Variants in ARID1A observed in about 807,000 individuals in gnomAD.
ARID1A encodes AT-rich interaction domain 1A.
ARID1A carries 20 observed loss-of-function variants against 212.6 expected under a neutral mutation model. That is an observed-to-expected ratio of 0.09 (90% confidence interval 0.07 to 0.14). The LOEUF (loss-of-function observed/expected upper bound fraction) is 0.14. Among genes scored for constraint, ARID1A ranks in the 10% least tolerant of loss-of-function variants. ARID1A has a pLI of 1.00. For missense variants in ARID1A, 2,587 were observed against 3,059.0 expected (o/e 0.85, Z 3.64); for synonymous variants, 1,376 against 1,222.1 (o/e 1.13, Z -2.63).
rs1480200785 is a variant in ARID1A at position 26,774,646 on chromosome 1, G to A, written c.4419G>A (p.Gln1473=). The A allele has an allele frequency of 6.2e-7, 1 of 1,614,056 alleles. No individual in the cohort carries two copies. The highest frequency in any genetic ancestry group is 1.7e-5 in the Admixed American group (1 of 60,002). ...CTGCACCCCCTGGCACCAATGCCCA[G>A]CAAAACATGCCACCACAAATGATGG... The part of the protein sequence containing the change: ...RVSAPPGTNA[Q]QNMPPQMMGG... The change falls in exon 18 of 20, where the codon CAG becomes CAA. Residue 1473 remains glutamine (Q), a synonymous_variant. Coordinates refer to ENST00000324856, the MANE Select transcript of ARID1A (RefSeq NM_006015.6). This position sits in a 1 kb window ranked among gnomAD's most constrained non-coding sequence, Gnocchi z 5.6.
chr1:26,696,983 C>T lies in ARID1A; in HGVS notation c.580C>T (p.Pro194Ser), dbSNP rs758730704. The change falls in exon 1 of 20, where the codon CCC (proline) becomes TCC (serine). Residue 194 changes from proline (P) to serine (S), a missense_variant. Pro to Ser is a moderately conservative substitution (Grantham distance 74). Around this residue, in one of 11 missense-constraint regions of ARID1A, gnomAD observed 735 missense variants for 590.6 expected, o/e 1.24. Coordinates refer to ENST00000324856, the MANE Select transcript of ARID1A (RefSeq NM_006015.6). ...GAGCGGCGGCGGCGGGGGCCTGGAG[C>T]CCTACGCGGGGCCCCAGCAGAACTC... Reference protein sequence around the residue: ...LQSGGGGGLEPYAGPQQNSHD... With the variant: ...LQSGGGGGLESYAGPQQNSHD... The T allele has an allele frequency of 1.5e-5, 22 of 1,504,974 alleles. No homozygotes were observed. In the East Asian group the frequency reaches 3.3e-4, roughly 23 times the overall value. 93.2% of individuals were successfully genotyped at this position (1,504,974 alleles called of 1,614,324 possible).
Position 26,779,450 on chromosome 1 carries a change from C to A in ARID1A, c.5552C>A (p.Thr1851Asn), listed in dbSNP as rs758808153. ...CACTGGCGGATTGGTGGGGGGGACA[C>A]CACTGAGCATATCCAGACCCACTTC... Reference protein sequence around the residue: ...LLHWRIGGGDTTEHIQTHFES... With the variant: ...LLHWRIGGGDNTEHIQTHFES... The change falls in exon 20 of 20, where the codon ACC becomes AAC. Residue 1851 changes from threonine to asparagine, a missense_variant. Physicochemically the swap from Thr to Asn is moderately conservative, Grantham distance 65. Around this residue, in one of 11 missense-constraint regions of ARID1A, gnomAD observed 890 missense variants for 1,098.2 expected, o/e 0.81. Coordinates refer to ENST00000324856, the MANE Select transcript of ARID1A (RefSeq NM_006015.6). The A allele has an allele frequency of 6.2e-7, 1 of 1,614,084 alleles. No homozygotes were observed. The highest frequency in any genetic ancestry group is 8.5e-7 in the Non-Finnish European group (1 of 1,180,024).
chr1:26,751,053 G>A (rs1048262958), intron 4 of ARID1A, among the ~76,000 whole-genome samples: 4 of 151,960 alleles, frequency 2.6e-5, no homozygotes, highest in Non-Finnish European at 5.9e-5. Flanking sequence ...TCAGGAGTTC[G>A]AGACCAACCT....
intron 1 of ARID1A, among the ~76,000 whole-genome samples, chr1:26,700,257 T>C (rs2080319597): frequency 6.6e-6 from 1 of 152,236 alleles, no homozygotes; most frequent in Non-Finnish European, 1.5e-5. Context: ...CATTCTTAAA[T>C]TAAAAAGTCT....
At chr1:26,723,909 A>T (rs1047922862) in intron 1 of ARID1A, among the ~76,000 whole-genome samples, 5 of 152,030 alleles carry the variant, frequency 3.3e-5, no homozygotes, top group African/African-American at 1.2e-4. Flanking sequence ...CCCAGTTCAA[A>T]CAGGAGTACA....
At chr1:26,724,142 C>T (rs2080594205) in intron 1 of ARID1A, among the ~76,000 whole-genome samples, 1 of 152,064 alleles carries the variant, frequency 6.6e-6, no homozygotes, top group South Asian at 2.1e-4. Flanking sequence ...ATTGAAAGCA[C>T]AAGGAGTAAT....
chr1:26,712,232 T>C (rs182447565), intron 1 of ARID1A, among the ~76,000 whole-genome samples: 31 of 152,354 alleles, frequency 2.0e-4, no homozygotes, highest in Non-Finnish European at 1.0e-4. Flanking sequence ...TTGCCTGTGA[T>C]GGCTGTCTGA....
intron 4 of ARID1A, among the ~76,000 whole-genome samples, chr1:26,750,591 G>T (rs915508939): frequency 1.3e-5 from 2 of 152,050 alleles, no homozygotes; most frequent in African/African-American, 4.8e-5. Context: ...AAAGTGTGAG[G>T]GTTTGAAGTG....
At chr1:26,740,368 A>C (rs1423221833) in intron 4 of ARID1A, among the ~76,000 whole-genome samples, 1 of 152,248 alleles carries the variant, frequency 6.6e-6, no homozygotes, top group Non-Finnish European at 1.5e-5. Context: ...GAGTGCTGTC[A>C]GAGTTTGGTG....
intron 1 of ARID1A, among the ~76,000 whole-genome samples, chr1:26,724,201 G>C (rs543277541): frequency 6.6e-6 from 1 of 152,086 alleles, no homozygotes; most frequent in Non-Finnish European, 1.5e-5. Context: ...GTTTACACTA[G>C]CCCCAACTAG....
chr1:26,754,437 T>C (rs1192600483), intron 4 of ARID1A, among the ~76,000 whole-genome samples: 1 of 152,192 alleles, frequency 6.6e-6, no homozygotes, highest in Non-Finnish European at 1.5e-5. Context: ...TGGTATGTTG[T>C]TATATCTCTC....
chr1:26,781,141 C>T lies in ARID1A; in HGVS notation c.*385C>T. ...CTTGCATCAACGGGATGCCACATTT[C>T]ATAACTGTTTTTAATGGTAAAAAAA... On this transcript the variant is annotated 3_prime_UTR_variant, in exon 20 of 20. Coordinates refer to ENST00000324856, the MANE Select transcript of ARID1A (RefSeq NM_006015.6). 1 of 231,284 alleles carries T rather than the reference C, an allele frequency of 4.3e-6. No individual in the cohort carries two copies. The highest frequency in any genetic ancestry group is 8.3e-6 in the Non-Finnish European group (1 of 120,608). 14.3% of individuals were successfully genotyped at this position (231,284 alleles called of 1,614,324 possible). A position where few individuals can be genotyped will look rare whatever the true frequency, so the allele number is the denominator to read the frequency against.
chr1:26,731,732 TAA>T, intron 3 of ARID1A, 128 bp downstream of exon 3: 1 of 998,348 alleles, frequency 1.0e-6, no homozygotes, highest in Non-Finnish European at 1.5e-6. Context: ...AAACTCTGGG[TAA>T]ACATGATAAC....
chr1:26,743,208 T>C (rs536690815), intron 4 of ARID1A, among the ~76,000 whole-genome samples: 2 of 152,240 alleles, frequency 1.3e-5, no homozygotes, highest in Admixed American at 6.5e-5. Context: ...TACCTTAAGC[T>C]CCTCACAATT....
In ARID1A at chr1:26,774,528, C is replaced by A. The variant is rs1323482644; in HGVS notation, c.4301C>A (p.Ala1434Asp). ...GATGTATACAACCAGTATGGCAATG[C>A]CTATCCTGCCACTGCCACAGCTGCT... ...QQDVYNQYGN[A>D]YPATATAATE... The change falls in exon 18 of 20, where the codon GCC becomes GAC. Residue 1434 changes from alanine (A) to aspartate (D), a missense_variant. Coordinates refer to ENST00000324856, the MANE Select transcript of ARID1A (RefSeq NM_006015.6). The surrounding 1 kb of genome is among the most constrained non-coding windows in gnomAD (Gnocchi z 5.6). 1 of 1,614,068 alleles carries A rather than the reference C, an allele frequency of 6.2e-7. No individual in the cohort carries two copies. Among genetic ancestry groups the A allele is most frequent in the Non-Finnish European group, 8.5e-7 (1 of 1,179,974 alleles).
intron 4 of ARID1A, among the ~76,000 whole-genome samples, chr1:26,756,070 G>A (rs1240192500): frequency 1.3e-5 from 2 of 151,636 alleles, no homozygotes; most frequent in African/African-American, 2.4e-5. Context: ...TTTGTTTCTT[G>A]TTGTTTGTTT....
chr1:26,747,316 C>T (rs1190052141), intron 4 of ARID1A, among the ~76,000 whole-genome samples: 3 of 152,186 alleles, frequency 2.0e-5, no homozygotes, highest in Non-Finnish European at 4.4e-5. Flanking sequence ...GAGCTTACCT[C>T]CAAGCTGCTA....
At chr1:26,756,364 T>G (rs541213413) in intron 4 of ARID1A, among the ~76,000 whole-genome samples, 185 of 152,104 alleles carry the variant, frequency 1.2e-3, no homozygotes, top group Non-Finnish European at 1.2e-3. Flanking sequence ...GAGACCAGCC[T>G]GGCCAACATG....
chr1:26,754,740 C>T (rs2080914082), intron 4 of ARID1A, among the ~76,000 whole-genome samples: 2 of 152,158 alleles, frequency 1.3e-5, no homozygotes, highest in Non-Finnish European at 2.9e-5. Flanking sequence ...TCAGCAGTCC[C>T]GGGTTTAAAA....
Sources: gnomAD v4.1 joint callset for allele counts (sites outside exome capture counted in the v4.1 genomes callset) on GRCh38, gnomAD v4.1.1 for gene constraint, gnomAD v4.1.1 regional missense constraint, Gnocchi (gnomAD v3.1) non-coding constraint, MANE v1.5 for transcripts, NCBI Gene and HGNC (gene_info 2026-07-23, HGNC 2026-07-21) for gene names.